Variants in DOK7 observed in about 807,000 individuals in gnomAD.
DOK7 encodes the protein protein Dok-7.
DOK7 carries 32 observed loss-of-function variants against 30.7 expected under a neutral mutation model. The observed-to-expected ratio is 1.04, with a 90% CI of 0.79 to 1.40. The LOEUF (loss-of-function observed/expected upper bound fraction) is 1.40, where lower values mean the gene tolerates loss of function less well. Ranked by LOEUF, DOK7 falls within the 40% of genes most tolerant of loss-of-function variation. The probability of loss-of-function intolerance (pLI) is 0.00; values close to 1 mark genes in which losing one functional copy is unlikely to be tolerated. For missense variants in DOK7, 1,007 were observed against 699.2 expected (o/e 1.44, Z -4.97); for synonymous variants, 447 against 324.1 (o/e 1.38, Z -4.07).
At chr4:3,494,528 C>T, downstream of DOK7, 2 of 985,520 alleles carry the variant, frequency 2.0e-6, no homozygotes, top group Non-Finnish European at 2.4e-6. Flanking sequence ...CCTCCTCGCC[C>T]ACCCTCCACG....
At chr4:3,486,624 C>A (rs910361702) in intron 5 of DOK7, among the ~76,000 whole-genome samples, 2 of 152,204 alleles carry the variant, frequency 1.3e-5, no homozygotes, top group Non-Finnish European at 2.9e-5. Context: ...CTATGGCCAG[C>A]GCCCTCCCCG....
chr4:3,483,607 A>C (rs1216902159), intron 4 of DOK7, among the ~76,000 whole-genome samples: 1 of 152,206 alleles, frequency 6.6e-6, no homozygotes, highest in South Asian at 2.1e-4. Flanking sequence ...GACGCTCCGC[A>C]GACGCCGCAT....
Position 3,494,300 on chromosome 4 carries a change from G to C in DOK7, c.*799G>C, listed in dbSNP as rs896021713. ...GGCCCAGGCCTCAGCCCCTGCGTCG[G>C]AGGTGGGGCTGTGTTGGGCCCATTG... On this transcript the variant is annotated 3_prime_UTR_variant, in exon 7 of 7. Transcript: ENST00000340083. 14 of 985,520 alleles carry C rather than the reference G, an allele frequency of 1.4e-5. No individual in the cohort carries two copies. The highest frequency in any genetic ancestry group is 1.4e-5 in the Non-Finnish European group (12 of 830,094). The allele number at this position is 985,520 out of a possible 1,614,324, so 61.0% of individuals were successfully genotyped here.
At chr4:3,468,638 C>CTG (rs747194748) in intron 2 of DOK7, among the ~76,000 whole-genome samples, 3 of 132,404 alleles carry the variant, frequency 2.3e-5, no homozygotes, top group East Asian at 2.3e-4. Context: ...GTGTATATGC[C>CTG]TGTGTGTGTG....
intron 6 of DOK7, among the ~76,000 whole-genome samples, chr4:3,491,369 G>GCTCCCCCTGCTTGTTCATTCCTTCCTT (rs1728420329): frequency 3.3e-5 from 1 of 29,890 alleles, no homozygotes; most frequent in Non-Finnish European, 7.0e-5. Flanking sequence ...TCCTTCCTCT[G>GCTCCCCCTGCTTGTTCATTCCTTCCTT]CTCCCCCTGC....
In DOK7 at chr4:3,492,748, C is replaced by T. The variant is rs1553849945; in HGVS notation, c.773-11C>T. 11 of 1,612,356 alleles carry T rather than the reference C, an allele frequency of 6.8e-6. No homozygotes were observed. The South Asian group carries it at 1.2e-4, about 18-fold the overall frequency. ...CCCCCACAACTGCCTTGGCTTCCTG[C>T]TCTGTCTCAGGGGATGACCGCAGCC... On this transcript the variant is annotated splice_polypyrimidine_tract_variant and intron_variant, in intron 6 of 6. Transcript: ENST00000340083.
intron 2 of DOK7, among the ~76,000 whole-genome samples, chr4:3,469,698 G>A (rs982854930): frequency 6.6e-6 from 1 of 152,222 alleles, no homozygotes; most frequent in East Asian, 1.9e-4. Flanking sequence ...TGGTGTCCCG[G>A]CCTTGACCTG....
chr4:3,476,625 C>A (rs1461138797), intron 4 of DOK7, 83 bp downstream of exon 4: 3 of 1,564,624 alleles, frequency 1.9e-6, no homozygotes, highest in Non-Finnish European at 2.6e-6. Context: ...GCCGGCCGAC[C>A]CCACTTGCAG....
chr4:3,464,680 A>G (rs909285138), intron 2 of DOK7, among the ~76,000 whole-genome samples: 1 of 152,128 alleles, frequency 6.6e-6, no homozygotes, highest in African/African-American at 2.4e-5. Flanking sequence ...GAGCCGGTGC[A>G]GACCCTCCAG....
downstream of DOK7, among the ~76,000 whole-genome samples, chr4:3,498,248 A>AG (rs1729020719): frequency 6.6e-6 from 1 of 152,154 alleles, no homozygotes; most frequent in Non-Finnish European, 1.5e-5. Context: ...AGTCCCAAGG[A>AG]GGGGACGGGA....
Position 3,487,631 on chromosome 4 carries a change from G to A in DOK7, c.652+1973G>A, listed in dbSNP as rs987170357. On this transcript the variant is annotated intron_variant, in intron 5 of 6. Transcript: ENST00000340083. ...CCTTCTTGGCCTGGCCTCCACGGGGGTGCACCGTTGCTGCACCCCATTTTG... is the reference window on the plus strand; with the variant it reads ...CCTTCTTGGCCTGGCCTCCACGGGGATGCACCGTTGCTGCACCCCATTTTG... 3.9e-5 allele frequency among the ~76,000 whole-genome samples: 6 copies of A among 152,190 alleles called. No homozygotes were observed. In the South Asian group the frequency reaches 8.3e-4, roughly 21 times the overall value.
At chr4:3,465,708 C>T (rs1176025156) in intron 2 of DOK7, among the ~76,000 whole-genome samples, 1 of 152,252 alleles carries the variant, frequency 6.6e-6, no homozygotes, top group African/African-American at 2.4e-5. Context: ...CAGTGGACGT[C>T]GGGCCGTCTG....
intron 4 of DOK7, among the ~76,000 whole-genome samples, chr4:3,477,990 C>T (rs1039130643): frequency 8.5e-5 from 13 of 152,094 alleles, no homozygotes; most frequent in African/African-American, 2.2e-4. Context: ...GTGGGCCCAG[C>T]GTCCCTGTCC....
rs199606134 is a variant in DOK7 at position 3,493,211 on chromosome 4, C to T, written c.1225C>T (p.Arg409Cys). The T allele has an allele frequency of 3.3e-4, 538 of 1,611,724 alleles. No homozygotes were observed. Among genetic ancestry groups the T allele is most frequent in the Non-Finnish European group, 4.2e-4 (499 of 1,179,644 alleles). ...CCTGCGGGCCCACTATGACACACCA[C>T]GCAGCCTTTGCCTGGCTCCTAGAGA... ...TSLRAHYDTP[R>C]SLCLAPRDHS... is the part of the protein sequence containing the mutation. The change falls in exon 7 of 7, where the codon CGC becomes TGC. Residue 409 changes from arginine to cysteine, a missense_variant. Physicochemically the swap from Arg to Cys is radical, Grantham distance 180. Coordinates refer to ENST00000340083, the MANE Select transcript of DOK7 (RefSeq NM_173660.5).
In DOK7 at chr4:3,494,366, C is replaced by T; in HGVS notation, c.*865C>T. On this transcript the variant is annotated 3_prime_UTR_variant, in exon 7 of 7. Transcript: ENST00000340083. The stretch of plus-strand genomic sequence containing the variant: ...GGCTTCCTCTTGCACAGCCTGGAGC[C>T]TGCCCTGACCACAGCCCAGCAGCTC... The T allele has an allele frequency of 1.0e-6, 1 of 985,632 alleles. No homozygotes were observed. The highest frequency in any genetic ancestry group is 1.2e-6 in the Non-Finnish European group (1 of 830,026). The allele number at this position is 985,632 out of a possible 1,614,324, so 61.1% of individuals were successfully genotyped here.
At chr4:3,473,138 A>C (rs954713392) in intron 2 of DOK7, among the ~76,000 whole-genome samples, 3 of 152,240 alleles carry the variant, frequency 2.0e-5, no homozygotes, top group Non-Finnish European at 4.4e-5. Context: ...GTGAAGGTCC[A>C]GAACCCAGTC....
At chr4:3,490,334 T>C (rs1220091819) in intron 6 of DOK7, among the ~76,000 whole-genome samples, 3 of 106,862 alleles carry the variant, frequency 2.8e-5, no homozygotes, top group African/African-American at 1.1e-4. Context: ...TTACCTCCAT[T>C]CATTCCTTCC....
downstream of DOK7, among the ~76,000 whole-genome samples, chr4:3,495,852 G>C (rs969809395): frequency 1.6e-4 from 25 of 152,122 alleles, no homozygotes; most frequent in African/African-American, 5.6e-4. Context: ...ATGAGCTCAG[G>C]GGGTGTCGGC....
intron 6 of DOK7, among the ~76,000 whole-genome samples, chr4:3,492,054 C>CA (rs1345817436): frequency 6.6e-6 from 1 of 152,196 alleles, no homozygotes; most frequent in Non-Finnish European, 1.5e-5. Flanking sequence ...GGGGGTGACT[C>CA]ACAGCTGCTT....
Sources: gnomAD v4.1 joint callset for allele counts (sites outside exome capture counted in the v4.1 genomes callset) on GRCh38, gnomAD v4.1.1 for gene constraint, MANE v1.5 for transcripts, NCBI Gene and HGNC (gene_info 2026-07-23, HGNC 2026-07-21) for gene names.